The following SFTPA1 variants were observed in gnomAD, a reference collection of about 807,000 sequenced individuals.
The protein encoded by SFTPA1 is pulmonary surfactant-associated protein A1.
SFTPA1 carries 13 observed loss-of-function variants against 19.1 expected under a neutral mutation model. That is an observed-to-expected ratio of 0.68 (90% CI 0.44 to 1.08). The LOEUF (loss-of-function observed/expected upper bound fraction) is 1.08. Ranked by LOEUF, SFTPA1 falls within the 50% of genes least tolerant of loss-of-function variation. The pLI is 0.00. For missense variants in SFTPA1, 259 were observed against 316.4 expected (o/e 0.82, Z 1.38); for synonymous variants, 101 against 117.0 (o/e 0.86, Z 0.88).
intron 5 of SFTPA1, 68 bp from the exon 6 acceptor site, chr10:79,613,669 C>G (rs1286781375): frequency 1.2e-6 from 2 of 1,612,714 alleles, no homozygotes; most frequent in African/African-American, 2.7e-5. Context: ...GTAGCAGAGA[C>G]CCCAGGTGAG....
rs988116870 is a variant in SFTPA1, at chr10:79,614,991, C to T, written c.*878C>T. The stretch of plus-strand genomic sequence containing the variant: ...TCACGTGCCAGGTCTTAGGATATGT[C>T]GTGGGGTGGGCAAGGTAATCAGTGA... On this transcript the variant is annotated 3_prime_UTR_variant, in exon 6 of 6. Coordinates refer to ENST00000398636, the MANE Select transcript of SFTPA1 (RefSeq NM_005411.5). 5.4e-6 allele frequency: 7 copies of T among 1,304,704 alleles called. No homozygotes were observed. The African/African-American group carries it at 6.1e-5, about 11-fold the overall frequency. 80.8% of individuals were successfully genotyped at this position (1,304,704 alleles called of 1,614,324 possible).
rs761796084 is a variant in SFTPA1 at position 79,613,987 on chromosome 10, C to T, written c.621C>T (p.Asn207=). 5 of 1,614,128 alleles carry T rather than the reference C, an allele frequency of 3.1e-6. No homozygotes were observed. The African/African-American group carries it at 6.7e-5, about 22-fold the overall frequency. ...GCTACTCAGACGGGACCCCTGTAAACTACACCAACTGGTACCGAGGGGAGC... is the reference window on the plus strand; with the variant it reads ...GCTACTCAGACGGGACCCCTGTAAATTACACCAACTGGTACCGAGGGGAGC... ...DFRYSDGTPV[N]YTNWYRGEPA... is the part of the protein sequence containing the mutation. The change falls in exon 6 of 6, where the codon AAC becomes AAT. Residue 207 remains asparagine (N), a synonymous_variant. Coordinates refer to ENST00000398636, the MANE Select transcript of SFTPA1 (RefSeq NM_005411.5).
chr10:79,613,271 G>C lies in SFTPA1; in HGVS notation c.370+5G>C. Reference sequence around the variant, plus strand: ...AAATCCTGCAGACAAGGGGAGGTAAGGGGACCCCCTGGGCCTCACGGGGTA... The same window carrying C: ...AAATCCTGCAGACAAGGGGAGGTAACGGGACCCCCTGGGCCTCACGGGGTA... On this transcript the variant is annotated splice_donor_5th_base_variant and intron_variant, in intron 5 of 5. Transcript: ENST00000398636. 1.2e-6 allele frequency: 2 copies of C among 1,614,058 alleles called. No homozygotes were observed. Among genetic ancestry groups the C allele is most frequent in the Non-Finnish European group, 1.7e-6 (2 of 1,179,998 alleles).
In SFTPA1 at chr10:79,613,737, C is replaced by T; in HGVS notation, c.371C>T (p.Ala124Val). Residue 124 changes from alanine (A) to valine (V), a missense_variant and splice_region_variant, in exon 6 of 6, where the codon GCC (alanine) becomes GTC (valine). Physicochemically the swap from Ala to Val is moderately conservative, Grantham distance 64 (BLOSUM62 0). Transcript: ENST00000398636. ...CTGACCCGGACTCCTCTGCTCTCAG[C>T]CCTCAGTCTGCAGGGCTCCATAATG... The part of the protein sequence containing the change: ...FRHQILQTRG[A>V]LSLQGSIMTV... 1.9e-6 allele frequency: 3 copies of T among 1,613,952 alleles called. No homozygotes were observed. Among genetic ancestry groups the T allele is most frequent in the Non-Finnish European group, 2.5e-6 (3 of 1,179,876 alleles).
intron 3 of SFTPA1, 80 bp from the exon 4 acceptor site, chr10:79,612,232 G>A: frequency 3.1e-6 from 5 of 1,612,224 alleles, no homozygotes; most frequent in Non-Finnish European, 3.4e-6. Flanking sequence ...CAGCCCTGGT[G>A]ATAATGGGCA....
Position 79,614,458 on chromosome 10 carries a change from C to T in SFTPA1, c.*345C>T, listed in dbSNP as rs1429497109. The T allele has an allele frequency of 6.0e-6, 2 of 331,284 alleles. No homozygotes were observed. Among genetic ancestry groups the T allele is most frequent in the East Asian group, 6.0e-5 (1 of 16,582 alleles). The allele number at this position is 331,284 out of a possible 1,614,324, so 20.5% of individuals were successfully genotyped here. ...GCAGTGAGGTCTTGGGGTAGAAGGA[C>T]CCTCCAAAGTCACACAAAGTGCCTG... On this transcript the variant is annotated 3_prime_UTR_variant, in exon 6 of 6. Transcript: ENST00000398636.
Position 79,612,347 on chromosome 10 carries a change from C to T in SFTPA1, c.208C>T (p.Pro70Ser). The change falls in exon 4 of 6, where the codon CCT (proline) becomes TCT (serine). Residue 70 changes from proline (P) to serine (S), a missense_variant. Physicochemically the swap from Pro to Ser is moderately conservative, Grantham distance 74. Transcript: ENST00000398636. ...TCCACCTGGAGAAATGCCATGTCCT[C>T]CTGGAAATGATGGGCTGCCTGGAGC... ...MGPPGEMPCP[P>S]GNDGLPGAPG... The T allele has an allele frequency of 4.3e-6, 7 of 1,613,896 alleles. No individual in the cohort carries two copies. The highest frequency in any genetic ancestry group is 5.9e-6 in the Non-Finnish European group (7 of 1,179,876).
chr10:79,614,028 A>G lies in SFTPA1; in HGVS notation c.662A>G (p.Lys221Arg). 6.2e-7 allele frequency: 1 copy of G among 1,614,226 alleles called. No homozygotes were observed. Among genetic ancestry groups the G allele is most frequent in the African/African-American group, 1.3e-5 (1 of 75,070 alleles). ...WYRGEPAGRGKEQCVEMYTDG... is the reference protein window; with the variant it reads ...WYRGEPAGRGREQCVEMYTDG... ...CGAGGGGAGCCCGCAGGTCGGGGAA[A>G]AGAGCAGTGTGTGGAGATGTACACA... Residue 221 changes from lysine to arginine, a missense_variant, in exon 6 of 6, where the codon AAA (lysine) becomes AGA (arginine). Coordinates refer to ENST00000398636, the MANE Select transcript of SFTPA1 (RefSeq NM_005411.5).
intron 4 of SFTPA1, among the ~76,000 whole-genome samples, chr10:79,612,914 A>G (rs1039179387): frequency 2.7e-4 from 41 of 151,958 alleles, no homozygotes; most frequent in Admixed American, 2.5e-3. Context: ...CTTGCCCCAC[A>G]GAGGCGGGCA....
chr10:79,613,070 G>A lies in SFTPA1; in HGVS notation c.293-119G>A, dbSNP rs373497587. ...ACCCTCTGAGCCTAGGGTCTGGGTG[G>A]CGCCTAACAGCAATGAAAGGGCAGA... is the stretch of plus-strand genomic sequence containing the variant. On this transcript the variant is annotated intron_variant, in intron 4 of 5. Coordinates refer to ENST00000398636, the MANE Select transcript of SFTPA1 (RefSeq NM_005411.5). 1.9e-5 allele frequency: 31 copies of A among 1,590,324 alleles called. No homozygotes were observed. In the East Asian group the frequency reaches 4.9e-4, roughly 25 times the overall value.
chr10:79,613,720 G>A lies in SFTPA1; in HGVS notation c.371-17G>A. 1 of 1,613,986 alleles carries A rather than the reference G, an allele frequency of 6.2e-7. No homozygotes were observed. The highest frequency in any genetic ancestry group is 8.5e-7 in the Non-Finnish European group (1 of 1,179,850). On this transcript the variant is annotated splice_polypyrimidine_tract_variant and intron_variant, in intron 5 of 5. Transcript: ENST00000398636. ...ACAAAGTGGTCAGTGGCCTGACCCGGACTCCTCTGCTCTCAGCCCTCAGTC... is the reference window on the plus strand; with the variant it reads ...ACAAAGTGGTCAGTGGCCTGACCCGAACTCCTCTGCTCTCAGCCCTCAGTC...
Position 79,614,143 on chromosome 10 carries a change from C to T in SFTPA1, c.*30C>T, listed in dbSNP as rs376202615. ...CATTTAGGCCATGGGACAGGGAGGA[C>T]GCTCTCTGGCCTTCGGCCTCCATCC... On this transcript the variant is annotated 3_prime_UTR_variant, in exon 6 of 6. Transcript: ENST00000398636. The T allele has an allele frequency of 4.0e-4, 652 of 1,614,190 alleles. 2 individuals are homozygous for T. The African/African-American group carries it at 6.1e-3, about 15-fold the overall frequency.
chr10:79,611,444 C>G, intron 2 of SFTPA1, 55 bp downstream of exon 2: 3 of 884,724 alleles, frequency 3.4e-6, no homozygotes, highest in Non-Finnish European at 5.1e-6. Flanking sequence ...CTGCAGAGCA[C>G]GGAAGATTCA....
chr10:79,612,572 T>G, intron 4 of SFTPA1, 141 bp downstream of exon 4: 2 of 1,381,896 alleles, frequency 1.4e-6, no homozygotes, highest in Non-Finnish European at 2.0e-6. Flanking sequence ...GAGGATAAGC[T>G]TGAGGGAGAA....
Position 79,611,809 on chromosome 10 carries a change from C to T in SFTPA1, c.-17C>T, listed in dbSNP as rs755258487. ...ACGGCCATCCCTCCTGCAGGAGCAG[C>T]GACTGGACCCAGAGCCATGTGGCTG... is the stretch of plus-strand genomic sequence containing the variant. On this transcript the variant is annotated 5_prime_UTR_variant, in exon 3 of 6. Transcript: ENST00000398636. 1.4e-5 allele frequency: 22 copies of T among 1,613,888 alleles called. No homozygotes were observed. The highest frequency in any genetic ancestry group is 9.3e-5 in the African/African-American group (7 of 74,938).
rs183109300 is a variant in SFTPA1, at chr10:79,612,894, G to A, written c.293-295G>A. Among the ~76,000 whole-genome samples, 739 of 110,360 alleles carry A rather than the reference G, an allele frequency of 6.7e-3. 5 individuals carry two copies. The highest frequency in any genetic ancestry group is 0.019 in the African/African-American group (637 of 32,744). The allele number at this position is 110,360 out of a possible 152,430, so 72.4% of individuals were successfully genotyped here. ...CATGCTTGCCCTTGGTGGAGGGTGC[G>A]GGAGAGGGACTTGCCCCACAGAGGC... On this transcript the variant is annotated intron_variant, in intron 4 of 5. Coordinates refer to ENST00000398636, the MANE Select transcript of SFTPA1 (RefSeq NM_005411.5).
At position 79,614,137 on chromosome 10, in the gene SFTPA1, G is replaced by C; in HGVS notation, c.*24G>C. Reference sequence around the variant, plus strand: ...GAGAGGCATTTAGGCCATGGGACAGGGAGGACGCTCTCTGGCCTTCGGCCT... The same window carrying C: ...GAGAGGCATTTAGGCCATGGGACAGCGAGGACGCTCTCTGGCCTTCGGCCT... On this transcript the variant is annotated 3_prime_UTR_variant, in exon 6 of 6. Transcript: ENST00000398636. 6.2e-7 allele frequency: 1 copy of C among 1,614,250 alleles called. No homozygotes were observed. The highest frequency in any genetic ancestry group is 2.2e-5 in the East Asian group (1 of 44,882).
rs754357589 is a variant in SFTPA1 at position 79,611,638 on chromosome 10, C to T, written c.-23-165C>T. The T allele has an allele frequency of 1.5e-5, 24 of 1,553,758 alleles. No homozygotes were observed. In the South Asian group the frequency reaches 2.5e-4, roughly 16 times the overall value. On this transcript the variant is annotated intron_variant, in intron 2 of 5. Transcript: ENST00000398636. ...CTGAAGCATGAGGCCATGCCAGGTGCCAGGTGATGCTGGGAATTTTCCCGG... is the reference window on the plus strand; with the variant it reads ...CTGAAGCATGAGGCCATGCCAGGTGTCAGGTGATGCTGGGAATTTTCCCGG...
At position 79,612,318 on chromosome 10, in the gene SFTPA1, T is replaced by A; in HGVS notation, c.179T>A (p.Met60Lys). 1 of 1,613,800 alleles carries A rather than the reference T, an allele frequency of 6.2e-7. No individual in the cohort carries two copies. The highest frequency in any genetic ancestry group is 8.5e-7 in the Non-Finnish European group (1 of 1,179,846). ...ATGTCTCTTTTCTCTGCAGGCCCCA[T>A]GGGTCCACCTGGAGAAATGCCATGT... Reference protein sequence around the residue: ...LKGDPGPPGPMGPPGEMPCPP... With the variant: ...LKGDPGPPGPKGPPGEMPCPP... The change falls in exon 4 of 6, where the codon ATG becomes AAG. Residue 60 changes from methionine (M) to lysine (K), a missense_variant. Physicochemically the swap from Met to Lys is moderately conservative, Grantham distance 95 (BLOSUM62 -1). Transcript: ENST00000398636.
Sources: gnomAD v4.1 joint callset for allele counts (sites outside exome capture counted in the v4.1 genomes callset) on GRCh38, gnomAD v4.1.1 for gene constraint, MANE v1.5 for transcripts, NCBI Gene and HGNC (gene_info 2026-07-23, HGNC 2026-07-21) for gene names.